Variants in AP2A2 observed in about 807,000 individuals in gnomAD.
AP2A2 encodes the protein adaptor related protein complex 2 subunit alpha 2.
A neutral mutation model predicts 104.2 loss-of-function variants in AP2A2; 32 were observed. That is an observed-to-expected ratio of 0.31 (90% CI 0.23 to 0.41). The LOEUF (loss-of-function observed/expected upper bound fraction) is 0.41, where lower values mean the gene tolerates loss of function less well. AP2A2 is among the 10% of genes least tolerant of loss of function. The pLI is 1.00. For missense variants in AP2A2, 912 were observed against 1,261.0 expected, an observed-to-expected ratio of 0.72 and a Z score of 4.19; for synonymous variants, 539 against 533.3, an observed-to-expected ratio of 1.01 and a Z score of -0.15.
At chr11:938,127 G>C (rs896027385) in intron 1 of AP2A2, among the ~76,000 whole-genome samples, 5 of 152,210 alleles carry the variant, frequency 3.3e-5, no homozygotes, top group African/African-American at 1.2e-4. Flanking sequence ...CTGGGGTGTT[G>C]CTTTATGATG....
intron 16 of AP2A2, among the ~76,000 whole-genome samples, chr11:1,004,530 CT>C (rs1174796642): frequency 6.6e-6 from 1 of 150,924 alleles, no homozygotes; most frequent in Non-Finnish European, 1.5e-5. Flanking sequence ...AATTCCAGCA[CT>C]TTGGGAGGCC....
At position 972,872 on chromosome 11, in the gene AP2A2, G is replaced by A. The variant is rs560947655; in HGVS notation, c.473+617G>A. Among the ~76,000 whole-genome samples, 6 of 152,386 alleles carry A rather than the reference G, an allele frequency of 3.9e-5. No homozygotes were observed. In the East Asian group the frequency reaches 5.8e-4, roughly 15 times the overall value. ...ATGCATCTCTGGGCAGCTCCTCCTCGTGCCCGTTCCCCAGGGCTTCACGCG... is the reference window on the plus strand; with the variant it reads ...ATGCATCTCTGGGCAGCTCCTCCTCATGCCCGTTCCCCAGGGCTTCACGCG... On this transcript the variant is annotated intron_variant, in intron 4 of 21. Coordinates refer to ENST00000448903, the MANE Select transcript of AP2A2 (RefSeq NM_012305.4).
At chr11:963,290 G>T (rs2076265119) in intron 2 of AP2A2, among the ~76,000 whole-genome samples, 1 of 152,062 alleles carries the variant, frequency 6.6e-6, no homozygotes, top group Admixed American at 6.6e-5. Flanking sequence ...GCTGGGCATG[G>T]TGGCGGGCAC....
chr11:939,586 A>G lies in AP2A2; in HGVS notation c.67+13498A>G, dbSNP rs188497547. Among the ~76,000 whole-genome samples the G allele has an allele frequency of 1.7e-3, 262 of 152,072 alleles. 1 individual carries two copies. Among genetic ancestry groups the G allele is most frequent in the African/African-American group, 6.2e-3 (256 of 41,504 alleles). On this transcript the variant is annotated intron_variant, in intron 1 of 21. Coordinates refer to ENST00000448903, the MANE Select transcript of AP2A2 (RefSeq NM_012305.4). ...CAGCCTCCCGAGTAGCTGGGCTTAC[A>G]GGAGCCTGCCACACTCCCGGCTAAT...
chr11:947,118 C>G (rs543062281), intron 1 of AP2A2, among the ~76,000 whole-genome samples: 4 of 149,250 alleles, frequency 2.7e-5, no homozygotes, highest in African/African-American at 9.9e-5. Flanking sequence ...TCAGGTGATT[C>G]TCCTGCCTTA....
At chr11:1,006,382 T>C (rs1337475998) in intron 16 of AP2A2, 146 bp from the exon 17 acceptor site, 2 of 650,564 alleles carry the variant, frequency 3.1e-6, no homozygotes, top group African/African-American at 3.7e-5. Flanking sequence ...TGGAAAAAAT[T>C]TGTTCTTAAT....
chr11:953,185 C>A (rs1039614259), intron 1 of AP2A2, among the ~76,000 whole-genome samples: 2 of 152,298 alleles, frequency 1.3e-5, no homozygotes, highest in Middle Eastern at 3.4e-3. Context: ...GAGACAGCCT[C>A]TCTCTCTGTC....
Position 1,008,117 on chromosome 11 carries a change from T to C in AP2A2, c.2402T>C (p.Val801Ala). The C allele has an allele frequency of 6.2e-7, 1 of 1,607,408 alleles. No individual in the cohort carries two copies. The highest frequency in any genetic ancestry group is 8.5e-7 in the Non-Finnish European group (1 of 1,177,652). Residue 801 changes from valine to alanine, a missense_variant, in exon 18 of 22, where the codon GTC (valine) becomes GCC (alanine). Val to Ala is a moderately conservative substitution (Grantham distance 64, BLOSUM62 0). This residue lies in a region of AP2A2 where 239 missense variants were observed against 329.8 expected (regional missense o/e 0.72). Coordinates refer to ENST00000448903, the MANE Select transcript of AP2A2 (RefSeq NM_012305.4). ...GTGTCCGACTTCACGGAGGCGCCAG[T>C]CCTCAACATTCAGTTCAGGTAAGAG... ...ECVSDFTEAP[V>A]LNIQFRYGGT...
intron 1 of AP2A2, among the ~76,000 whole-genome samples, chr11:946,070 A>G (rs10794350): frequency 0.48 from 72,862 of 152,038 alleles, 18,397 homozygotes; most frequent in Middle Eastern, 0.65. Context: ...CTGTAATCCA[A>G]TCCTCCATAA....
At chr11:962,791 C>T (rs1042163309) in intron 2 of AP2A2, among the ~76,000 whole-genome samples, 7 of 152,064 alleles carry the variant, frequency 4.6e-5, no homozygotes, top group African/African-American at 1.7e-4. Context: ...CTAAAGGAGA[C>T]TTCATGCCTG....
chr11:928,232 G>GA (rs1853180293), intron 1 of AP2A2, among the ~76,000 whole-genome samples: 1 of 152,174 alleles, frequency 6.6e-6, no homozygotes, highest in Admixed American at 6.5e-5. Flanking sequence ...GGTGAGCATA[G>GA]TACAATAAGA....
At chr11:987,896 G>C (rs1407016098) in intron 9 of AP2A2, among the ~76,000 whole-genome samples, 1 of 152,264 alleles carries the variant, frequency 6.6e-6, no homozygotes, top group Non-Finnish European at 1.5e-5. Context: ...GCACGTCTGC[G>C]TGCAGCTCAC....
Position 1,009,104 on chromosome 11 carries a change from G to T in AP2A2, c.2425G>T (p.Gly809Trp), listed in dbSNP as rs1429433060. 1.9e-6 allele frequency: 3 copies of T among 1,611,358 alleles called. No individual in the cohort carries two copies. Among genetic ancestry groups the T allele is most frequent in the Non-Finnish European group, 2.5e-6 (3 of 1,178,742 alleles). The part of the protein sequence containing the change: ...APVLNIQFRY[G>W]GTFQNVSVQL... ...TGCTGCTGCTGCTGCTGGCAGGTAT[G>T]GGGGCACCTTCCAGAACGTGTCTGT... Residue 809 changes from glycine to tryptophan, a missense_variant, in exon 19 of 22, where the codon GGG becomes TGG. By Grantham distance (184) the Gly-to-Trp change is radical. This residue lies in a region of AP2A2 where 239 missense variants were observed against 329.8 expected (regional missense o/e 0.72). Coordinates refer to ENST00000448903, the MANE Select transcript of AP2A2 (RefSeq NM_012305.4).
chr11:964,125 G>T (rs544910573), intron 2 of AP2A2, among the ~76,000 whole-genome samples: 1 of 152,216 alleles, frequency 6.6e-6, no homozygotes. Flanking sequence ...GGGAATACCC[G>T]TAGGGCAGAG....
intron 2 of AP2A2, among the ~76,000 whole-genome samples, chr11:966,139 C>T (rs141053117): frequency 9.8e-4 from 150 of 152,354 alleles, no homozygotes; most frequent in African/African-American, 3.5e-3. Flanking sequence ...AGCCACTGCA[C>T]CTGACTGGGA....
chr11:1,010,210 C>T (rs1025039279), intron 21 of AP2A2: 28 of 492,998 alleles, frequency 5.7e-5, no homozygotes, highest in African/African-American at 1.7e-4. Context: ...GTTCTGGCGA[C>T]GGACACCTGT....
At chr11:985,245 A>C (rs957628510) in intron 7 of AP2A2, 190 bp from the exon 8 acceptor site, 1 of 709,286 alleles carries the variant, frequency 1.4e-6, no homozygotes, top group Non-Finnish European at 2.2e-6. Context: ...GGCCTCCCAA[A>C]GTGCTGGGAT....
intron 6 of AP2A2, 29 bp from the exon 7 acceptor site, chr11:984,616 C>T (rs1339186751): frequency 9.7e-6 from 15 of 1,551,618 alleles, no homozygotes; most frequent in African/African-American, 2.7e-5. Context: ...TGTCCGGCAG[C>T]GTGTCTCATT....
At chr11:937,909 G>GAGGTGGAGCTGGAGCTTGAACTGTGTC (rs1853514672) in intron 1 of AP2A2, among the ~76,000 whole-genome samples, 1 of 152,212 alleles carries the variant, frequency 6.6e-6, no homozygotes, top group Non-Finnish European at 1.5e-5. Context: ...GAGCTCCCGA[G>GAGGTGGAGCTGGAGCTTGAACTGTGTC]AGGTGGAGCT....
Sources: allele counts gnomAD v4.1 joint callset (sites outside exome capture counted in the v4.1 genomes callset), GRCh38; gene constraint gnomAD v4.1.1; regional missense constraint gnomAD v4.1.1; transcripts MANE v1.5; gene names NCBI Gene and HGNC (gene_info 2026-07-23, HGNC 2026-07-21).